Variants in ARPP21 observed in about 807,000 individuals in gnomAD.
The protein encoded by ARPP21 is cAMP-regulated phosphoprotein 21.
In ARPP21, 69 loss-of-function variants were observed where a neutral mutation model predicts 113.2. The ratio of observed to expected loss-of-function variants is 0.61; its 90% confidence interval spans 0.50 to 0.74. ARPP21 has a LOEUF of 0.74. Ranked by LOEUF, ARPP21 falls within the 30% of genes least tolerant of loss-of-function variation. The probability of loss-of-function intolerance (pLI) is 0.00; values close to 1 mark genes in which losing one functional copy is unlikely to be tolerated. For synonymous variants in ARPP21, 368 were observed against 375.5 expected (o/e 0.98, Z 0.23); for missense variants, 1,070 against 1,037.4 (o/e 1.03, Z -0.43).
chr3:35,664,956 T>A (rs1709553074), intron 1 of ARPP21, among the ~76,000 whole-genome samples: 1 of 152,200 alleles, frequency 6.6e-6, no homozygotes, highest in Admixed American at 6.5e-5. Context: ...TTTGTGTGTG[T>A]GTAACCTAAT....
chr3:35,743,664 T>C (rs1177820073), intron 18 of ARPP21, among the ~76,000 whole-genome samples, 175 bp from the exon 19 acceptor site: 11 of 152,292 alleles, frequency 7.2e-5, no homozygotes, highest in Middle Eastern at 3.4e-3. Context: ...GTTTGGGAAA[T>C]GGATTTTGCC....
At chr3:35,782,261 A>C (rs1212954509) in intron 19 of ARPP21, among the ~76,000 whole-genome samples, 1 of 152,188 alleles carries the variant, frequency 6.6e-6, no homozygotes, top group Non-Finnish European at 1.5e-5. Flanking sequence ...GATCCTGTCA[A>C]TTAATTTAGT....
At chr3:35,748,333 AAAG>A (rs1201638498) in intron 19 of ARPP21, among the ~76,000 whole-genome samples, 6 of 151,096 alleles carry the variant, frequency 4.0e-5, no homozygotes, top group Admixed American at 6.6e-5. Context: ...AGAAAGAAAG[AAAG>A]AAAAGAAAGG....
intron 9 of ARPP21, among the ~76,000 whole-genome samples, chr3:35,697,294 C>G (rs1351704197): frequency 6.6e-6 from 1 of 151,592 alleles, no homozygotes; most frequent in Admixed American, 6.6e-5. Context: ...GCCCTAGAAA[C>G]TGTGAAACAA....
Position 35,654,827 on chromosome 3 carries a change from T to C in ARPP21, c.-213+14429T>C, listed in dbSNP as rs76239593. Reference sequence around the variant, plus strand: ...AAGCATAGTAGGTATAATAAACATGTTTATTAATTATTTGTCAAAGGTAGT... The same window carrying C: ...AAGCATAGTAGGTATAATAAACATGCTTATTAATTATTTGTCAAAGGTAGT... On this transcript the variant is annotated intron_variant, in intron 1 of 20. Coordinates refer to ENST00000684406, the MANE Select transcript of ARPP21 (RefSeq NM_001385562.1). 5.0e-3 allele frequency among the ~76,000 whole-genome samples: 762 copies of C among 152,162 alleles called. 22 individuals carry two copies. The East Asian group carries it at 0.096, about 19-fold the overall frequency.
chr3:35,719,216 A>G (rs766549071), intron 13 of ARPP21, among the ~76,000 whole-genome samples: 13 of 151,896 alleles, frequency 8.6e-5, no homozygotes, highest in Non-Finnish European at 1.6e-4. Flanking sequence ...GCACTTCAAC[A>G]CTGTTAAGAT....
chr3:35,762,200 T>C (rs1301586384), intron 19 of ARPP21, among the ~76,000 whole-genome samples: 1 of 151,676 alleles, frequency 6.6e-6, no homozygotes, highest in African/African-American at 2.4e-5. Context: ...AAATTTTATT[T>C]TGTCAAGAGT....
chr3:35,681,940 T>C, intron 3 of ARPP21, 60 bp downstream of exon 3: 1 of 1,537,598 alleles, frequency 6.5e-7, no homozygotes, highest in South Asian at 1.2e-5. Flanking sequence ...CCTTCTTTTA[T>C]TTTCAGAATA....
intron 19 of ARPP21, among the ~76,000 whole-genome samples, chr3:35,766,618 G>C (rs917079537): frequency 2.6e-5 from 4 of 152,118 alleles, no homozygotes; most frequent in African/African-American, 9.7e-5. Context: ...CGCACCCTTT[G>C]TGGGCAGAGG....
At position 35,699,172 on chromosome 3, in the gene ARPP21, AG is replaced by A. The variant is rs148764828; in HGVS notation, c.687-7801del. On this transcript the variant is annotated intron_variant, in intron 9 of 20. Coordinates refer to ENST00000684406, the MANE Select transcript of ARPP21 (RefSeq NM_001385562.1). ...ATACATACTACGTATCATACAGTTT[AG>A]AAGTTAAAAGTTCATCATACATATA... Among the ~76,000 whole-genome samples, 660 of 151,742 alleles carry A rather than the reference AG, an allele frequency of 4.3e-3. 7 individuals carry two copies. Among genetic ancestry groups the A allele is most frequent in the African/African-American group, 0.015 (618 of 41,454 alleles).
At chr3:35,773,750 C>G (rs575834132) in intron 19 of ARPP21, among the ~76,000 whole-genome samples, 8 of 152,070 alleles carry the variant, frequency 5.3e-5, no homozygotes, top group African/African-American at 1.9e-4. Context: ...GAAATGACAA[C>G]TTTTTTTAAT....
chr3:35,787,736 C>T (rs542908297), intron 19 of ARPP21, among the ~76,000 whole-genome samples: 51 of 152,146 alleles, frequency 3.4e-4, no homozygotes, highest in African/African-American at 1.2e-3. Flanking sequence ...ATTGAGAAAA[C>T]AATTAACATA....
intron 1 of ARPP21, among the ~76,000 whole-genome samples, chr3:35,656,648 G>A (rs951591835): frequency 1.3e-5 from 2 of 152,088 alleles, no homozygotes; most frequent in South Asian, 4.1e-4. Context: ...GTGACTGCTA[G>A]GAGATATGAC....
intron 1 of ARPP21, among the ~76,000 whole-genome samples, chr3:35,667,838 C>G (rs760264078): frequency 3.6e-5 from 2 of 55,606 alleles, no homozygotes; most frequent in African/African-American, 8.2e-5. Flanking sequence ...TACTTTTATT[C>G]TCAAAGAAGA....
At chr3:35,643,701 G>A (rs1271295445) in intron 1 of ARPP21, 1 of 151,998 alleles carries the variant, frequency 6.6e-6, no homozygotes, top group Non-Finnish European at 1.5e-5. Flanking sequence ...CCATAAGGTT[G>A]GAAATTGCAA....
intron 9 of ARPP21, among the ~76,000 whole-genome samples, chr3:35,702,122 G>A (rs543258784): frequency 6.6e-6 from 1 of 151,608 alleles, no homozygotes; most frequent in East Asian, 1.9e-4. Flanking sequence ...AAAATTGTCT[G>A]TTATCCCGCC....
intron 1 of ARPP21, among the ~76,000 whole-genome samples, chr3:35,645,766 A>G (rs1010323423): frequency 6.6e-6 from 1 of 152,022 alleles, no homozygotes; most frequent in African/African-American, 2.4e-5. Context: ...CTAGGGAAAC[A>G]GAAACAAGAG....
chr3:35,723,973 C>T (rs1404926917), intron 14 of ARPP21, among the ~76,000 whole-genome samples: 1 of 152,158 alleles, frequency 6.6e-6, no homozygotes, highest in African/African-American at 2.4e-5. Flanking sequence ...AGCTTCAGAA[C>T]AGCACAAGTT....
At chr3:35,683,994 C>A in intron 5 of ARPP21, 179 bp downstream of exon 5, 2 of 1,442,000 alleles carry the variant, frequency 1.4e-6, no homozygotes, top group Non-Finnish European at 1.9e-6. Flanking sequence ...TGGTTTGTCA[C>A]AGAGTATTAA....
Sources: gnomAD v4.1 joint callset for allele counts (sites outside exome capture counted in the v4.1 genomes callset) on GRCh38, gnomAD v4.1.1 for gene constraint, MANE v1.5 for transcripts, NCBI Gene and HGNC (gene_info 2026-07-23, HGNC 2026-07-21) for gene names.